The following VPS13A variants were observed in gnomAD, a reference collection of about 807,000 sequenced individuals.
VPS13A encodes vacuolar protein sorting 13 homolog A, also known as intermembrane lipid transfer protein VPS13A.
VPS13A carries 264 observed loss-of-function variants against 390.9 expected under a neutral mutation model. The observed-to-expected ratio is 0.68, with a 90% CI of 0.61 to 0.75. The LOEUF (loss-of-function observed/expected upper bound fraction) is 0.75, where lower values mean the gene tolerates loss of function less well. Ranked by LOEUF, VPS13A falls within the 30% of genes least tolerant of loss-of-function variation. The pLI is 0.00. For synonymous variants in VPS13A, 1,231 were observed against 1,227.1 expected (o/e 1.00, Z -0.07); for missense variants, 3,409 against 3,733.9 (o/e 0.91, Z 2.27).
At chr9:77,357,482 A>G (rs1831875538) in intron 55 of VPS13A, among the ~76,000 whole-genome samples, 1 of 151,318 alleles carries the variant, frequency 6.6e-6, no homozygotes, top group Non-Finnish European at 1.5e-5. Flanking sequence ...ATTGTGGTAA[A>G]TTTTAGTACA....
chr9:77,295,586 G>A lies in VPS13A; in HGVS notation c.3552G>A (p.Glu1184=), dbSNP rs1827941141. The A allele has an allele frequency of 1.9e-6, 3 of 1,611,744 alleles. No individual in the cohort carries two copies. The highest frequency in any genetic ancestry group is 1.7e-6 in the Non-Finnish European group (2 of 1,178,340). ...NFQAAKQALA[E]ATVQAAGMAA... is the part of the protein sequence containing the mutation. ...AGGCAGCTAAACAAGCCTTGGCTGA[G>A]GCAACTGTTCAGGCAGCTGGAATGG... The change falls in exon 33 of 72, where the codon GAG becomes GAA. Residue 1184 remains glutamate (E), a synonymous_variant. Coordinates refer to ENST00000360280, the MANE Select transcript of VPS13A (RefSeq NM_033305.3).
At chr9:77,243,745 G>A (rs982071402) in intron 19 of VPS13A, among the ~76,000 whole-genome samples, 1 of 152,104 alleles carries the variant, frequency 6.6e-6, no homozygotes, top group Non-Finnish European at 1.5e-5. Context: ...TGTAGTTCTT[G>A]CCTATTGATA....
In VPS13A at chr9:77,318,216, T is replaced by G. The variant is rs200810421; in HGVS notation, c.4957-19T>G. 1.4e-6 allele frequency: 2 copies of G among 1,469,624 alleles called. No homozygotes were observed. Among genetic ancestry groups the G allele is most frequent in the South Asian group, 2.4e-5 (2 of 83,672 alleles). The allele number at this position is 1,469,624 out of a possible 1,614,324, so 91.0% of individuals were successfully genotyped here. A position where few individuals can be genotyped will look rare whatever the true frequency, so the allele number is the denominator to read the frequency against. Reference sequence around the variant, plus strand: ...TTTGAAAGTGTTTTGTATAGACTTATTAATTTTTTTCCATTTAGGTTTCAC... The same window carrying G: ...TTTGAAAGTGTTTTGTATAGACTTAGTAATTTTTTTCCATTTAGGTTTCAC... On this transcript the variant is annotated intron_variant, in intron 40 of 71. Transcript: ENST00000360280.
intron 19 of VPS13A, among the ~76,000 whole-genome samples, chr9:77,238,991 G>C (rs1329655397): frequency 6.6e-6 from 1 of 151,948 alleles, no homozygotes; most frequent in South Asian, 2.1e-4. Context: ...TGAAAAGGCT[G>C]TCTTTTCATA....
chr9:77,220,411 T>TA, intron 12 of VPS13A, 28 bp downstream of exon 12: 1 of 1,291,502 alleles, frequency 7.7e-7, no homozygotes, highest in Non-Finnish European at 1.1e-6. Context: ...TTTTTTTTTT[T>TA]AGATTTTAAA....
Position 77,237,913 on chromosome 9 carries a change from T to C in VPS13A, c.1596-89T>C. On this transcript the variant is annotated intron_variant, in intron 17 of 71. Transcript: ENST00000360280. Reference sequence around the variant, plus strand: ...GAGTCAGAAATGCAAAGTGAAGTTGTCTTCATTAATTTTTTAAATCATTTT... The same window carrying C: ...GAGTCAGAAATGCAAAGTGAAGTTGCCTTCATTAATTTTTTAAATCATTTT... The C allele has an allele frequency of 8.2e-6, 8 of 980,100 alleles. No individual in the cohort carries two copies. The South Asian group carries it at 1.2e-4, about 14-fold the overall frequency. 60.7% of individuals were successfully genotyped at this position (980,100 alleles called of 1,614,324 possible).
At chr9:77,294,015 C>T (rs997486851) in intron 32 of VPS13A, among the ~76,000 whole-genome samples, 2 of 151,972 alleles carry the variant, frequency 1.3e-5, no homozygotes, top group African/African-American at 4.8e-5. Flanking sequence ...GTGATCCTCC[C>T]GCCCCAACCT....
At chr9:77,232,027 C>T (rs537603592) in intron 17 of VPS13A, among the ~76,000 whole-genome samples, 3 of 152,284 alleles carry the variant, frequency 2.0e-5, no homozygotes, top group Non-Finnish European at 2.9e-5. Flanking sequence ...AATGAACACT[C>T]CTGGTACCAT....
intron 26 of VPS13A, among the ~76,000 whole-genome samples, chr9:77,277,220 G>A (rs937092303): frequency 6.6e-6 from 1 of 152,090 alleles, no homozygotes; most frequent in African/African-American, 2.4e-5. Context: ...CTCCTTTGTA[G>A]CATAATAATA....
At chr9:77,261,243 T>C (rs1385766545) in intron 23 of VPS13A, among the ~76,000 whole-genome samples, 1 of 152,176 alleles carries the variant, frequency 6.6e-6, no homozygotes, top group Admixed American at 6.5e-5. Flanking sequence ...TTATACACAC[T>C]ATTCTGAATC....
rs747970131 is a variant in VPS13A, at chr9:77,340,596, C to T, written c.7026+46C>T. 7 of 1,607,810 alleles carry T rather than the reference C, an allele frequency of 4.4e-6. No homozygotes were observed. The Admixed American group carries it at 1.2e-4, about 27-fold the overall frequency. On this transcript the variant is annotated intron_variant, in intron 50 of 71. Coordinates refer to ENST00000360280, the MANE Select transcript of VPS13A (RefSeq NM_033305.3). ...AATATACCTCTTTGGATTCTATTTTCTCCTTGAAGTTAGATACCTAAAGTC... is the reference window on the plus strand; with the variant it reads ...AATATACCTCTTTGGATTCTATTTTTTCCTTGAAGTTAGATACCTAAAGTC...
At chr9:77,389,044 G>A (rs948789092) in intron 68 of VPS13A, among the ~76,000 whole-genome samples, 4 of 152,080 alleles carry the variant, frequency 2.6e-5, no homozygotes, top group Non-Finnish European at 5.9e-5. Context: ...CTACATTGAA[G>A]TATGCTCATT....
At chr9:77,406,664 G>C (rs774164594) in intron 70 of VPS13A, among the ~76,000 whole-genome samples, 1 of 151,656 alleles carries the variant, frequency 6.6e-6, no homozygotes, top group Non-Finnish European at 1.5e-5. Flanking sequence ...CAATCTGCCT[G>C]CCTCAGCCTC....
intron 42 of VPS13A, 39 bp downstream of exon 42, chr9:77,319,712 A>ATG (rs775842436): frequency 1.1e-5 from 11 of 1,045,586 alleles, no homozygotes; most frequent in Non-Finnish European, 1.5e-5. Context: ...ATATATATAT[A>ATG]TGTATTTTAA....
In VPS13A at chr9:77,357,261, G is replaced by A. The variant is rs143443015; in HGVS notation, c.7806+394G>A. On this transcript the variant is annotated intron_variant, in intron 55 of 71. Coordinates refer to ENST00000360280, the MANE Select transcript of VPS13A (RefSeq NM_033305.3). Reference sequence around the variant, plus strand: ...TTGAACCCAGGAGGTGGAGGTTGCAGTGAACCAAGATGGCCCCACTGCGCT... The same window carrying A: ...TTGAACCCAGGAGGTGGAGGTTGCAATGAACCAAGATGGCCCCACTGCGCT... Among the ~76,000 whole-genome samples the A allele has an allele frequency of 4.5e-3, 610 of 136,988 alleles. 4 individuals are homozygous for A. The highest frequency in any genetic ancestry group is 0.014 in the African/African-American group (535 of 36,926). 89.9% of individuals were successfully genotyped at this position (136,988 alleles called of 152,430 possible). A position where few individuals can be genotyped will look rare whatever the true frequency, so the allele number is the denominator to read the frequency against.
intron 16 of VPS13A, 48 bp from the exon 17 acceptor site, chr9:77,228,074 T>TCA: frequency 1.6e-6 from 2 of 1,250,282 alleles, no homozygotes; most frequent in East Asian, 5.5e-5. Flanking sequence ...TTTGTTATGC[T>TCA]TATATATATA....
At chr9:77,200,361 C>T (rs1283427120) in intron 2 of VPS13A, among the ~76,000 whole-genome samples, 5 of 151,990 alleles carry the variant, frequency 3.3e-5, no homozygotes, top group East Asian at 3.9e-4. Context: ...TGGTGGTGGA[C>T]GCCAGTAATC....
chr9:77,294,856 G>T (rs1403668412), intron 32 of VPS13A, among the ~76,000 whole-genome samples: 1 of 151,830 alleles, frequency 6.6e-6, no homozygotes, highest in Non-Finnish European at 1.5e-5. Context: ...GGGACAACAG[G>T]CCCTGCTAAT....
At chr9:77,289,707 A>G (rs1248606249) in intron 31 of VPS13A, among the ~76,000 whole-genome samples, 2 of 150,802 alleles carry the variant, frequency 1.3e-5, no homozygotes, top group Non-Finnish European at 3.0e-5. Context: ...ATTTTTCTTC[A>G]TTGCAACTCT....
Sources: gnomAD v4.1 joint callset for allele counts (sites outside exome capture counted in the v4.1 genomes callset) on GRCh38, gnomAD v4.1.1 for gene constraint, MANE v1.5 for transcripts, NCBI Gene and HGNC (gene_info 2026-07-23, HGNC 2026-07-21) for gene names.